YBX2: variants seen among roughly 807,000 people sequenced by gnomAD.
The protein encoded by YBX2 is Y-box-binding protein 2.
Under a neutral mutation model 44.4 loss-of-function variants are expected in YBX2, and 5 were observed. That is an observed-to-expected ratio of 0.11 (90% CI 0.06 to 0.24). The LOEUF (loss-of-function observed/expected upper bound fraction) is 0.24, where lower values mean the gene tolerates loss of function less well. Among genes scored for constraint, YBX2 ranks in the 10% least tolerant of loss-of-function variants. YBX2 has a pLI of 1.00. For missense variants in YBX2, 417 were observed against 526.9 expected, an observed-to-expected ratio of 0.79 and a Z score of 2.04; for synonymous variants, 188 against 216.1, an observed-to-expected ratio of 0.87 and a Z score of 1.14.
At chr17:7,293,564 C>T (rs374392346) in intron 1 of YBX2, 26 bp from the exon 2 acceptor site, 1 of 1,613,944 alleles carries the variant, frequency 6.2e-7, no homozygotes, top group South Asian at 1.1e-5. Flanking sequence ...GCAGTGGGGA[C>T]AGTGAGATGG....
In YBX2 at chr17:7,294,378, G is replaced by A; in HGVS notation, c.123C>T (p.Gly41=). ...PVPAGEPQKG[G]GAGGGGGAAS... is the part of the protein sequence containing the mutation. ...CGGCTCCGCCCCCGCCGCCCGCCCC[G>A]CCGCCTTTCTGCGGCTCCCCTGCGG... is the stretch of plus-strand genomic sequence containing the variant. The change falls in exon 1 of 9, where the codon GGC becomes GGT. Residue 41 remains glycine (G), a synonymous_variant. Coordinates refer to ENST00000007699, the MANE Select transcript of YBX2 (RefSeq NM_015982.4). This position sits in a 1 kb window ranked among gnomAD's most constrained non-coding sequence, Gnocchi z 4.6. The A allele has an allele frequency of 1.4e-6, 2 of 1,421,656 alleles. No homozygotes were observed. The highest frequency in any genetic ancestry group is 3.2e-5 in the East Asian group (1 of 31,608). 88.1% of individuals were successfully genotyped at this position (1,421,656 alleles called of 1,614,324 possible).
Position 7,294,542 on chromosome 17 carries a change from C to A in YBX2, c.-42G>T. 1 of 1,412,996 alleles carries A rather than the reference C, an allele frequency of 7.1e-7. No homozygotes were observed. The highest frequency in any genetic ancestry group is 9.2e-7 in the Non-Finnish European group (1 of 1,081,908). The allele number at this position is 1,412,996 out of a possible 1,614,324, so 87.5% of individuals were successfully genotyped here. A position where few individuals can be genotyped will look rare whatever the true frequency, so the allele number is the denominator to read the frequency against. On this transcript the variant is annotated 5_prime_UTR_variant, in exon 1 of 9. Coordinates refer to ENST00000007699, the MANE Select transcript of YBX2 (RefSeq NM_015982.4). This position sits in a 1 kb window ranked among gnomAD's most constrained non-coding sequence, Gnocchi z 4.6. ...CCGGCCACAGCCGCCACCGCCCCGGCCCCTCCCCCCGGCTCGCGAACCCAC... is the reference window on the plus strand; with the variant it reads ...CCGGCCACAGCCGCCACCGCCCCGGACCCTCCCCCCGGCTCGCGAACCCAC...
rs149716523 is a variant in YBX2, at chr17:7,291,203, G to A, written c.370-21C>T. On this transcript the variant is annotated intron_variant, in intron 3 of 8. Coordinates refer to ENST00000007699, the MANE Select transcript of YBX2 (RefSeq NM_015982.4). The surrounding 1 kb of genome is among the most constrained non-coding windows in gnomAD (Gnocchi z 5.8). ...GCTGTCTGATTGGGGAAAAGGCCATGTGAAAAGTGAGACAGCAAGACAGGA... is the reference window on the plus strand; with the variant it reads ...GCTGTCTGATTGGGGAAAAGGCCATATGAAAAGTGAGACAGCAAGACAGGA... 9 of 1,612,766 alleles carry A rather than the reference G, an allele frequency of 5.6e-6. No individual in the cohort carries two copies. The highest frequency in any genetic ancestry group is 6.8e-6 in the Non-Finnish European group (8 of 1,178,796).
chr17:7,293,751 C>CA (rs1567605424), intron 1 of YBX2: 11 of 945,454 alleles, frequency 1.2e-5, no homozygotes, highest in Admixed American at 2.8e-5. Context: ...CTCAGGCTTT[C>CA]AAAAAGCCTT....
At chr17:7,293,453 C>G in intron 2 of YBX2, 22 bp downstream of exon 2, 1 of 1,614,044 alleles carries the variant, frequency 6.2e-7, no homozygotes, top group East Asian at 2.2e-5. Context: ...CATTCCACCC[C>G]CGCCCTGGGT....
Position 7,289,494 on chromosome 17 carries a change from C to A in YBX2, c.1044+36G>T, listed in dbSNP as rs998155813. Reference sequence around the variant, plus strand: ...AGCAGGTGGGGGAGGGAGCTGGTCTCAGCCTTTTCTTTCATCCCACATCTG... The same window carrying A: ...AGCAGGTGGGGGAGGGAGCTGGTCTAAGCCTTTTCTTTCATCCCACATCTG... On this transcript the variant is annotated intron_variant, in intron 7 of 8. Transcript: ENST00000007699. The A allele has an allele frequency of 1.9e-6, 3 of 1,567,580 alleles. No individual in the cohort carries two copies. The Admixed American group carries it at 5.7e-5, about 30-fold the overall frequency.
rs776463711 is a variant in YBX2, at chr17:7,289,974, T to C, written c.842A>G (p.Tyr281Cys). Residue 281 changes from tyrosine to cysteine, a missense_variant, in exon 6 of 9, where the codon TAC becomes TGC. Transcript: ENST00000007699. Reference protein sequence around the residue: ...RVPPPRFRPRYRRPFRPRPRQ... With the variant: ...RVPPPRFRPRCRRPFRPRPRQ... ...CCCAGCAGGGGGGTCTTACCTTCGG[T>C]ACCTGGGCCGGAATCTGGGCGGGGG... 4 of 1,614,204 alleles carry C rather than the reference T, an allele frequency of 2.5e-6. No homozygotes were observed. In the South Asian group the frequency reaches 3.3e-5, roughly 13 times the overall value.
At chr17:7,292,328 T>A (rs2072507051) in intron 2 of YBX2, 1 of 494,096 alleles carries the variant, frequency 2.0e-6, no homozygotes, top group African/African-American at 1.9e-5. Context: ...TTGAGGAACC[T>A]CAGACAGCTC....
In YBX2 at chr17:7,289,624, T is replaced by G; in HGVS notation, c.950A>C (p.Gln317Pro). 6.2e-7 allele frequency: 1 copy of G among 1,613,974 alleles called. No individual in the cohort carries two copies. The highest frequency in any genetic ancestry group is 1.3e-5 in the African/African-American group (1 of 75,034). The change falls in exon 7 of 9, where the codon CAG (glutamine) becomes CCG (proline). Residue 317 changes from glutamine to proline, a missense_variant. Around this residue, in one of 3 missense-constraint regions of YBX2, gnomAD observed 257 missense variants for 261.7 expected, o/e 0.98. Transcript: ENST00000007699. ...GPADGSRPEP[Q>P]RPRNRPYFQR... ...GAAGTAGGGGCGGTTTCGTGGGCGC[T>G]GGGGCTCAGGCCGGGAACCATCAGC...
chr17:7,289,649 C>T lies in YBX2; in HGVS notation c.925G>A (p.Ala309Thr), dbSNP rs777209428. The T allele has an allele frequency of 9.9e-6, 16 of 1,614,064 alleles. No individual in the cohort carries two copies. In the Admixed American group the frequency reaches 2.0e-4, roughly 20 times the overall value. The change falls in exon 7 of 9, where the codon GCT becomes ACT. Residue 309 changes from alanine (A) to threonine (T), a missense_variant. Physicochemically the swap from Ala to Thr is moderately conservative, Grantham distance 58. Transcript: ENST00000007699. ...TGGGGCTCAGGCCGGGAACCATCAG[C>T]GGGACCTTGGCTGGGCTTGGTCTCA... Reference protein sequence around the residue: ...DGETKPSQGPADGSRPEPQRP... With the variant: ...DGETKPSQGPTDGSRPEPQRP...
intron 8 of YBX2, 47 bp from the exon 9 acceptor site, chr17:7,288,690 T>G: frequency 1.4e-6 from 2 of 1,418,672 alleles, no homozygotes; most frequent in Non-Finnish European, 2.0e-6. Context: ...CAGCGACTTG[T>G]CATCGCCACC....
Position 7,294,209 on chromosome 17 carries a change from C to A in YBX2, c.271+21G>T. 3.2e-6 allele frequency: 4 copies of A among 1,257,768 alleles called. No homozygotes were observed. The highest frequency in any genetic ancestry group is 4.0e-6 in the Non-Finnish European group (4 of 1,005,452). The allele number at this position is 1,257,768 out of a possible 1,614,324, so 77.9% of individuals were successfully genotyped here. On this transcript the variant is annotated intron_variant, in intron 1 of 8. Transcript: ENST00000007699. The surrounding 1 kb of genome is among the most constrained non-coding windows in gnomAD (Gnocchi z 4.6). ...AGCCCGCCGACCCCTCAGAGCCGCC[C>A]TGTGCGCGCCTGCCCCTCACCCAGC...
rs954167574 is a variant in YBX2 at position 7,294,023 on chromosome 17, C to T, written c.271+207G>A. ...TCTCCACCCCAAGACCTTAGCTGAA[C>T]CTGCCGGCCCCGCCCTCTCTCCCAG... On this transcript the variant is annotated intron_variant, in intron 1 of 8. Transcript: ENST00000007699. The surrounding 1 kb of genome is among the most constrained non-coding windows in gnomAD (Gnocchi z 4.6). 13 of 574,962 alleles carry T rather than the reference C, an allele frequency of 2.3e-5. No individual in the cohort carries two copies. Among genetic ancestry groups the T allele is most frequent in the South Asian group, 7.1e-5 (1 of 14,098 alleles). The allele number at this position is 574,962 out of a possible 1,614,324, so 35.6% of individuals were successfully genotyped here. A position where few individuals can be genotyped will look rare whatever the true frequency, so the allele number is the denominator to read the frequency against.
chr17:7,289,897 A>C, intron 6 of YBX2, 71 bp downstream of exon 6: 1 of 1,599,932 alleles, frequency 6.3e-7, no homozygotes, highest in Non-Finnish European at 8.6e-7. Context: ...TCACCCTTCC[A>C]TCCTCCTGTC....
At position 7,290,288 on chromosome 17, in the gene YBX2, C is replaced by T. The variant is rs747194011; in HGVS notation, c.707G>A (p.Arg236Gln). 6 of 1,613,284 alleles carry T rather than the reference C, an allele frequency of 3.7e-6. No homozygotes were observed. Among genetic ancestry groups the T allele is most frequent in the African/African-American group, 1.3e-5 (1 of 74,818 alleles). The change falls in exon 5 of 9, where the codon CGA (arginine) becomes CAA (glutamine). Residue 236 changes from arginine (R) to glutamine (Q), a missense_variant. Arg to Gln is a conservative substitution (Grantham distance 43). Coordinates refer to ENST00000007699, the MANE Select transcript of YBX2 (RefSeq NM_015982.4). ...CTGCTGGTTGGGAGGCCGGGGGCCT[C>T]GCACAAACCGCCGTCGGTAGAAGAA... ...PPFFYRRRFV[R>Q]GPRPPNQQQP...
At chr17:7,290,188 T>C (rs1273942894) in intron 5 of YBX2, 63 bp downstream of exon 5, 4 of 1,610,376 alleles carry the variant, frequency 2.5e-6, no homozygotes, top group Non-Finnish European at 3.4e-6. Context: ...ATGGTCTCTA[T>C]CCTAACTCCC....
At position 7,291,217 on chromosome 17, in the gene YBX2, A is replaced by G. The variant is rs1427331573; in HGVS notation, c.370-35T>C. 1.9e-6 allele frequency: 3 copies of G among 1,596,302 alleles called. No homozygotes were observed. Among genetic ancestry groups the G allele is most frequent in the Non-Finnish European group, 2.6e-6 (3 of 1,163,942 alleles). On this transcript the variant is annotated intron_variant, in intron 3 of 8. Transcript: ENST00000007699. This position sits in a 1 kb window ranked among gnomAD's most constrained non-coding sequence, Gnocchi z 5.8. ...GAAAAGGCCATGTGAAAAGTGAGAC[A>G]GCAAGACAGGAGTCTCTGTCACCCC...
Position 7,291,286 on chromosome 17 carries a change from G to A in YBX2, c.370-104C>T, listed in dbSNP as rs2072499907. The A allele has an allele frequency of 6.8e-6, 8 of 1,168,616 alleles. No individual in the cohort carries two copies. In the Admixed American group the frequency reaches 1.5e-4, roughly 22 times the overall value. The allele number at this position is 1,168,616 out of a possible 1,614,324, so 72.4% of individuals were successfully genotyped here. ...ATTTCATTCTTTCAACATTTGACTT[G>A]GGGTCTAGAGCTGGAGGGTGGAGCA... On this transcript the variant is annotated intron_variant, in intron 3 of 8. Coordinates refer to ENST00000007699, the MANE Select transcript of YBX2 (RefSeq NM_015982.4). This position sits in a 1 kb window ranked among gnomAD's most constrained non-coding sequence, Gnocchi z 5.8.
At position 7,294,441 on chromosome 17, in the gene YBX2, C is replaced by G. The variant is rs759849660; in HGVS notation, c.60G>C (p.Ala20=). ...CCACCGCTACCACCCCTGCCGCCGTCGCGGGCACCGTCGCCGCGGGGACCG... is the reference window on the plus strand; with the variant it reads ...CCACCGCTACCACCCCTGCCGCCGTGGCGGGCACCGTCGCCGCGGGGACCG... ...ATAVPAATVP[A]TAAGVVAVVV... The change falls in exon 1 of 9, where the codon GCG becomes GCC. Residue 20 remains alanine (A), a synonymous_variant. Coordinates refer to ENST00000007699, the MANE Select transcript of YBX2 (RefSeq NM_015982.4). The surrounding 1 kb of genome is among the most constrained non-coding windows in gnomAD (Gnocchi z 4.6). The G allele has an allele frequency of 2.4e-5, 36 of 1,474,684 alleles. No individual in the cohort carries two copies. In the South Asian group the frequency reaches 4.5e-4, roughly 19 times the overall value. 91.3% of individuals were successfully genotyped at this position (1,474,684 alleles called of 1,614,324 possible). A position where few individuals can be genotyped will look rare whatever the true frequency, so the allele number is the denominator to read the frequency against.
Sources: gnomAD v4.1 joint callset for allele counts on GRCh38, gnomAD v4.1.1 for gene constraint, gnomAD v4.1.1 regional missense constraint, Gnocchi (gnomAD v3.1) non-coding constraint, MANE v1.5 for transcripts, NCBI Gene and HGNC (gene_info 2026-07-23, HGNC 2026-07-21) for gene names.